CDH13: variants seen among roughly 807,000 people sequenced by gnomAD.
The protein encoded by CDH13 is cadherin-13.
Under a neutral mutation model 63.8 loss-of-function variants are expected in CDH13, and 24 were observed. The observed-to-expected ratio is 0.38, with a 90% CI of 0.27 to 0.53. The LOEUF (loss-of-function observed/expected upper bound fraction) is 0.53. Ranked by LOEUF, CDH13 falls within the 20% of genes least tolerant of loss-of-function variation. CDH13 has a pLI of 0.85. For missense variants in CDH13, 1,049 were observed against 903.1 expected, an observed-to-expected ratio of 1.16 and a Z score of -2.07; for synonymous variants, 503 against 355.3, an observed-to-expected ratio of 1.42 and a Z score of -4.67.
At chr16:83,106,311 A>G (rs13329937) in intron 3 of CDH13, among the ~76,000 whole-genome samples, 17,730 of 152,168 alleles carry the variant, frequency 0.12, 1,309 homozygotes, top group African/African-American at 0.21. Flanking sequence ...AGGCCAAGGC[A>G]AGTGGATCAT....
At chr16:82,893,095 A>C (rs1013146474) in intron 2 of CDH13, among the ~76,000 whole-genome samples, 6 of 152,272 alleles carry the variant, frequency 3.9e-5, no homozygotes, top group Non-Finnish European at 5.9e-5. Flanking sequence ...GTGAACAACC[A>C]TGATTCCTGA....
intron 2 of CDH13, among the ~76,000 whole-genome samples, chr16:83,019,853 AAC>A (rs1915182683): frequency 1.3e-5 from 2 of 150,530 alleles, no homozygotes; most frequent in Admixed American, 1.3e-4. Context: ...AAAAAAAAAA[AAC>A]AATAAAAACG....
At chr16:83,103,830 TGTCA>T (rs1302996678) in intron 3 of CDH13, among the ~76,000 whole-genome samples, 1 of 152,222 alleles carries the variant, frequency 6.6e-6, no homozygotes. Flanking sequence ...GTAAGTGCTC[TGTCA>T]TTTTCTAGAA....
chr16:83,062,962 ATTTTT>A (rs61186735), intron 3 of CDH13, among the ~76,000 whole-genome samples: 4 of 134,090 alleles, frequency 3.0e-5, no homozygotes, highest in African/African-American at 2.8e-5. Flanking sequence ...GGTGGTTGGC[ATTTTT>A]TTTTTTTTTT....
intron 1 of CDH13, among the ~76,000 whole-genome samples, chr16:82,839,267 T>C (rs2038907206): frequency 6.6e-6 from 1 of 152,182 alleles, no homozygotes; most frequent in Non-Finnish European, 1.5e-5. Flanking sequence ...AATTGTTTCC[T>C]CCCCTGGCCC....
intron 5 of CDH13, among the ~76,000 whole-genome samples, chr16:83,256,944 G>A (rs760841882): frequency 1.3e-5 from 2 of 151,582 alleles, no homozygotes; most frequent in African/African-American, 2.4e-5. Flanking sequence ...TTTGTTGCTC[G>A]CCTGCTATAT....
At chr16:83,534,137 C>A (rs941724367) in intron 7 of CDH13, among the ~76,000 whole-genome samples, 1 of 152,116 alleles carries the variant, frequency 6.6e-6, no homozygotes, top group Admixed American at 6.5e-5. Flanking sequence ...TCCTCCATCC[C>A]CCATGCCCTT....
intron 4 of CDH13, among the ~76,000 whole-genome samples, chr16:83,141,651 A>AATGC (rs2036534429): frequency 6.6e-6 from 1 of 152,012 alleles, no homozygotes; most frequent in South Asian, 2.1e-4. Flanking sequence ...TATTTGTCCT[A>AATGC]ATGCTCTCTC....
chr16:83,291,300 G>A (rs142587996), intron 5 of CDH13, among the ~76,000 whole-genome samples: 3 of 152,064 alleles, frequency 2.0e-5, no homozygotes, highest in Non-Finnish European at 4.4e-5. Context: ...TATTCAGGGG[G>A]TTCTACTTCT....
At chr16:83,526,993 G>A (rs905019525) in intron 7 of CDH13, among the ~76,000 whole-genome samples, 8 of 152,092 alleles carry the variant, frequency 5.3e-5, no homozygotes, top group African/African-American at 1.7e-4. Context: ...TTAGGCAGGC[G>A]TGGTGGTGCG....
intron 1 of CDH13, among the ~76,000 whole-genome samples, chr16:82,818,570 G>T (rs1274527035): frequency 2.6e-5 from 4 of 152,130 alleles, no homozygotes; most frequent in Admixed American, 6.6e-5. Context: ...TTAGAAAGGG[G>T]TGGGGAAGCA....
intron 8 of CDH13, among the ~76,000 whole-genome samples, chr16:83,662,679 G>GA (rs1004568787): frequency 1.7e-4 from 26 of 152,098 alleles, no homozygotes; most frequent in Admixed American, 3.3e-4. Flanking sequence ...ATGTGAAAAA[G>GA]AAAAAATACT....
chr16:82,870,207 G>GA (rs2040295406), intron 2 of CDH13, among the ~76,000 whole-genome samples: 1 of 152,196 alleles, frequency 6.6e-6, no homozygotes, highest in African/African-American at 2.4e-5. Context: ...ACAGGTATAT[G>GA]AAAAAATGTC....
intron 5 of CDH13, among the ~76,000 whole-genome samples, chr16:83,284,992 C>G (rs1234803518): frequency 2.0e-5 from 3 of 152,176 alleles, no homozygotes; most frequent in Non-Finnish European, 2.9e-5. Context: ...TACACACTCT[C>G]CCTGCACAAA....
intron 10 of CDH13, among the ~76,000 whole-genome samples, chr16:83,691,873 G>C (rs1000049875): frequency 1.6e-4 from 25 of 152,132 alleles, no homozygotes; most frequent in Admixed American, 1.0e-3. Flanking sequence ...ATAGTAGCTG[G>C]CATTTACTTT....
At chr16:82,917,435 G>C (rs947576250) in intron 2 of CDH13, among the ~76,000 whole-genome samples, 2 of 152,160 alleles carry the variant, frequency 1.3e-5, no homozygotes, top group African/African-American at 4.8e-5. Flanking sequence ...TCTTCACAGG[G>C]AAGTCCTGGC....
intron 1 of CDH13, among the ~76,000 whole-genome samples, chr16:82,735,726 G>C (rs183819392): frequency 8.5e-4 from 129 of 152,318 alleles, no homozygotes; most frequent in African/African-American, 2.9e-3. Flanking sequence ...AGACCACAAT[G>C]TTGCCATCCA....
chr16:82,830,450 T>C (rs577568948), intron 1 of CDH13, among the ~76,000 whole-genome samples: 1 of 152,322 alleles, frequency 6.6e-6, no homozygotes, highest in Admixed American at 6.5e-5. Context: ...GAAATGGGTA[T>C]AGTGCCTGGC....
intron 8 of CDH13, among the ~76,000 whole-genome samples, chr16:83,646,270 G>A (rs540182721): frequency 1.3e-5 from 2 of 152,190 alleles, no homozygotes; most frequent in Non-Finnish European, 2.9e-5. Context: ...GCTCATGACG[G>A]TAACCTACCC....
Sources: allele counts gnomAD v4.1 joint callset (sites outside exome capture counted in the v4.1 genomes callset), GRCh38; gene constraint gnomAD v4.1.1; transcripts MANE v1.5; gene names NCBI Gene and HGNC (gene_info 2026-07-23, HGNC 2026-07-21).